SPTBN1: variants seen among roughly 807,000 people sequenced by gnomAD.
SPTBN1 encodes the protein spectrin beta chain, non-erythrocytic 1.
Under a neutral mutation model 266.4 loss-of-function variants are expected in SPTBN1, and 32 were observed. That is an observed-to-expected ratio of 0.12 (90% CI 0.09 to 0.16). The LOEUF (loss-of-function observed/expected upper bound fraction) is 0.16, where lower values mean the gene tolerates loss of function less well. Ranked by LOEUF, SPTBN1 falls within the 10% of genes least tolerant of loss-of-function variation. The pLI, the probability that SPTBN1 is intolerant of heterozygous loss-of-function variation, is 1.00. For missense variants in SPTBN1, 2,296 were observed against 3,067.1 expected, an observed-to-expected ratio of 0.75 and a Z score of 5.94; for synonymous variants, 1,336 against 1,162.2, an observed-to-expected ratio of 1.15 and a Z score of -3.04.
Position 54,649,887 on chromosome 2 carries a change from C to G in SPTBN1, c.5475C>G (p.His1825Gln). ...TCTTTGGGCGTATACAGGACAAACA[C>G]AAGAAACTCCCTGAGGAGCTTGGGA... Reference protein sequence around the residue: ...KEIFGRIQDKHKKLPEELGRD... With the variant: ...KEIFGRIQDKQKKLPEELGRD... Residue 1825 changes from histidine (H) to glutamine (Q), a missense_variant, in exon 26 of 36, where the codon CAC becomes CAG. Physicochemically the swap from His to Gln is conservative, Grantham distance 24. Transcript: ENST00000356805. The surrounding 1 kb of genome is among the most constrained non-coding windows in gnomAD (Gnocchi z 6.7). 3 of 1,614,198 alleles carry G rather than the reference C, an allele frequency of 1.9e-6. No individual in the cohort carries two copies. The highest frequency in any genetic ancestry group is 2.2e-5 in the South Asian group (2 of 91,084).
chr2:54,583,188 C>T (rs1675064908), intron 2 of SPTBN1, among the ~76,000 whole-genome samples: 2 of 151,924 alleles, frequency 1.3e-5, no homozygotes, highest in African/African-American at 4.8e-5. Flanking sequence ...AAGCTTTGAC[C>T]CCTTGACTCA....
chr2:54,462,566 A>T (rs995244824), intron 1 of SPTBN1, among the ~76,000 whole-genome samples: 3 of 152,216 alleles, frequency 2.0e-5, no homozygotes, highest in Non-Finnish European at 4.4e-5. Context: ...ATTATTGGAT[A>T]CATTATCTTG....
Position 54,533,771 on chromosome 2 carries a change from G to A in SPTBN1, c.148+7205G>A, listed in dbSNP as rs1055210561. On this transcript the variant is annotated intron_variant, in intron 2 of 35. Coordinates refer to ENST00000356805, the MANE Select transcript of SPTBN1 (RefSeq NM_003128.3). The surrounding 1 kb of genome is among the most constrained non-coding windows in gnomAD (Gnocchi z 4.2). ...TCACCATGTTGGCCAGGCTGGTCTC[G>A]AACTCCTGACCCCAGGTGATCCGCC... is the stretch of plus-strand genomic sequence containing the variant. Among the ~76,000 whole-genome samples, 4 of 152,058 alleles carry A rather than the reference G, an allele frequency of 2.6e-5. No homozygotes were observed. The highest frequency in any genetic ancestry group is 5.9e-5 in the Non-Finnish European group (4 of 68,008).
At chr2:54,590,275 A>G (rs1452342398) in intron 2 of SPTBN1, among the ~76,000 whole-genome samples, 1 of 152,254 alleles carries the variant, frequency 6.6e-6, no homozygotes, top group East Asian at 1.9e-4. Flanking sequence ...TTAGTGCTAT[A>G]CAATGACAAC....
intron 1 of SPTBN1, among the ~76,000 whole-genome samples, chr2:54,510,345 C>T (rs1024522337): frequency 6.6e-6 from 1 of 152,206 alleles, no homozygotes; most frequent in African/African-American, 2.4e-5. Context: ...CAGGCTCTGT[C>T]TCCGAATACA....
intron 2 of SPTBN1, among the ~76,000 whole-genome samples, chr2:54,532,074 G>A (rs1296197235): frequency 6.6e-6 from 1 of 152,138 alleles, no homozygotes; most frequent in African/African-American, 2.4e-5. Flanking sequence ...TGGATCATGA[G>A]GTCAGGCGTT....
chr2:54,562,696 T>TTGTGTGTGTGTG (rs55947327), intron 2 of SPTBN1, among the ~76,000 whole-genome samples: 8,507 of 122,424 alleles, frequency 0.069, 537 homozygotes, highest in African/African-American at 0.16. Context: ...AAACCCTGCT[T>TTGTGTGTGTGTG]TGTGTGTGTG....
chr2:54,501,226 C>G (rs1669250138), intron 1 of SPTBN1, among the ~76,000 whole-genome samples: 1 of 152,168 alleles, frequency 6.6e-6, no homozygotes, highest in Non-Finnish European at 1.5e-5. Flanking sequence ...GTAGAAATTG[C>G]CCTTCCTTAT....
At chr2:54,597,748 A>T (rs1040390479) in intron 2 of SPTBN1, among the ~76,000 whole-genome samples, 1 of 152,082 alleles carries the variant, frequency 6.6e-6, no homozygotes, top group Admixed American at 6.6e-5. Context: ...CTTCTGGCCA[A>T]CCTGAGAACC....
intron 1 of SPTBN1, among the ~76,000 whole-genome samples, chr2:54,512,162 C>T (rs1316911290): frequency 6.6e-6 from 1 of 152,210 alleles, no homozygotes; most frequent in African/African-American, 2.4e-5. Context: ...ACTTCGCTTG[C>T]TTGTCCGCTG....
chr2:54,604,155 A>C (rs563276876), intron 3 of SPTBN1, among the ~76,000 whole-genome samples: 31 of 152,304 alleles, frequency 2.0e-4, no homozygotes, highest in Non-Finnish European at 3.8e-4. Flanking sequence ...GCCCAGCACC[A>C]CAACCCTTGA....
At chr2:54,493,765 C>G (rs940017571) in intron 1 of SPTBN1, among the ~76,000 whole-genome samples, 2 of 152,182 alleles carry the variant, frequency 1.3e-5, no homozygotes, top group South Asian at 4.1e-4. Flanking sequence ...TAAGTGCCAA[C>G]ATAGATATTT....
intron 1 of SPTBN1, among the ~76,000 whole-genome samples, chr2:54,492,348 T>G (rs58363414): frequency 0.02 from 2,812 of 142,280 alleles, 107 homozygotes; most frequent in African/African-American, 0.061. Flanking sequence ...GTTGTTTTTT[T>G]GTTTTTTTTT....
intron 1 of SPTBN1, among the ~76,000 whole-genome samples, chr2:54,522,786 G>T (rs754668620): frequency 3.9e-5 from 6 of 152,216 alleles, no homozygotes; most frequent in Non-Finnish European, 7.4e-5. Context: ...ATTCGCAGGT[G>T]GGGGCAGGGC....
intron 16 of SPTBN1, 101 bp from the exon 17 acceptor site, chr2:54,632,465 A>G (rs1289078128): frequency 8.4e-7 from 1 of 1,192,592 alleles, no homozygotes; most frequent in African/African-American, 1.5e-5. Flanking sequence ...ATGTAAGTGT[A>G]ATGAAGAAAG....
At chr2:54,478,628 A>G (rs1376213884) in intron 1 of SPTBN1, among the ~76,000 whole-genome samples, 1 of 152,144 alleles carries the variant, frequency 6.6e-6, no homozygotes, top group Non-Finnish European at 1.5e-5. Context: ...CTGTTAACAG[A>G]TATGTGGAAG....
chr2:54,479,513 A>G (rs1667999870), intron 1 of SPTBN1, among the ~76,000 whole-genome samples: 1 of 152,176 alleles, frequency 6.6e-6, no homozygotes, highest in African/African-American at 2.4e-5. Flanking sequence ...CAAACTAGGT[A>G]ATTTATGAGA....
intron 1 of SPTBN1, among the ~76,000 whole-genome samples, chr2:54,461,191 C>T (rs899262429): frequency 6.6e-6 from 1 of 152,122 alleles, no homozygotes; most frequent in East Asian, 1.9e-4. Flanking sequence ...TGATTTTGAA[C>T]TTTATATCAA....
At chr2:54,497,115 G>T (rs1201082176) in intron 1 of SPTBN1, among the ~76,000 whole-genome samples, 1 of 152,170 alleles carries the variant, frequency 6.6e-6, no homozygotes, top group East Asian at 1.9e-4. Context: ...TTGGTCTGGG[G>T]CCCCCACCAG....
Sources: gnomAD v4.1 joint callset for allele counts (sites outside exome capture counted in the v4.1 genomes callset) on GRCh38, gnomAD v4.1.1 for gene constraint, Gnocchi (gnomAD v3.1) non-coding constraint, MANE v1.5 for transcripts, NCBI Gene and HGNC (gene_info 2026-07-23, HGNC 2026-07-21) for gene names.